The following CLIC5 variants were observed in gnomAD, a reference collection of about 807,000 sequenced individuals.
CLIC5 encodes the protein chloride intracellular channel protein 5.
In CLIC5, 20 loss-of-function variants were observed where a neutral mutation model predicts 24.7. The observed-to-expected ratio is 0.81, with a 90% CI of 0.57 to 1.18. The LOEUF is 1.18. CLIC5 is among the 50% of genes most tolerant of loss of function. CLIC5 has a pLI of 0.00. For synonymous variants in CLIC5, 159 were observed against 135.6 expected, an observed-to-expected ratio of 1.17 and a Z score of -1.20; for missense variants, 341 against 326.1, an observed-to-expected ratio of 1.05 and a Z score of -0.35.
intron 4 of CLIC5, among the ~76,000 whole-genome samples, chr6:45,922,710 G>T (rs142053351): frequency 6.6e-6 from 1 of 152,244 alleles, no homozygotes; most frequent in East Asian, 1.9e-4. Context: ...TGAAGAGAAA[G>T]ATTATCACTT....
chr6:46,026,334 A>T (rs1767331128), intron 1 of CLIC5, among the ~76,000 whole-genome samples: 1 of 152,318 alleles, frequency 6.6e-6, no homozygotes, highest in African/African-American at 2.4e-5. Context: ...TTATATATGC[A>T]TCGCTCTCCA....
chr6:46,126,839 C>G, the CLIC5 span, among the ~76,000 whole-genome samples: 1 of 152,136 alleles, frequency 6.6e-6, no homozygotes, highest in Non-Finnish European at 1.5e-5. Flanking sequence ...CTTCCTGTAA[C>G]TTCTAACTTC....
chr6:46,081,785 A>G (rs1308949293), upstream of CLIC5, among the ~76,000 whole-genome samples: 2 of 152,192 alleles, frequency 1.3e-5, no homozygotes, highest in Admixed American at 6.5e-5. Flanking sequence ...AGTTTACACA[A>G]AAACTTAATG....
At chr6:45,897,600 T>G (rs1762410900), downstream of CLIC5, among the ~76,000 whole-genome samples, 1 of 152,166 alleles carries the variant, frequency 6.6e-6, no homozygotes, top group Non-Finnish European at 1.5e-5. Context: ...GCTGTTTCAT[T>G]TCTTCCAAGG....
At chr6:46,059,222 C>T (rs919621363) in intron 1 of CLIC5, among the ~76,000 whole-genome samples, 1 of 152,226 alleles carries the variant, frequency 6.6e-6, no homozygotes, top group African/African-American at 2.4e-5. Flanking sequence ...ATCCACTTGC[C>T]TCTATCCTTC....
In CLIC5 at chr6:45,949,287, C is replaced by T; in HGVS notation, c.268G>A (p.Glu90Lys). Residue 90 changes from glutamate to lysine, a missense_variant, in exon 3 of 6, where the codon GAG becomes AAG. Glu to Lys is a moderately conservative substitution (Grantham distance 56). Transcript: ENST00000339561. ...DVKTDVNKIE[E>K]FLEETLTPEK... is the part of the protein sequence containing the mutation. ...GGGGTCAAGGTCTCCTCCAGGAACT[C>T]CTCGATCTTATTGACGTCTGTCTTC... 1 of 1,613,878 alleles carries T rather than the reference C, an allele frequency of 6.2e-7. No individual in the cohort carries two copies. The highest frequency in any genetic ancestry group is 8.5e-7 in the Non-Finnish European group (1 of 1,179,852).
chr6:45,914,084 G>C (rs1409775899), intron 5 of CLIC5, 144 bp downstream of exon 5: 1 of 559,338 alleles, frequency 1.8e-6, no homozygotes, highest in Admixed American at 4.2e-5. Context: ...AAGCAGCAGA[G>C]GGTGACCTTG....
chr6:45,966,992 C>T (rs762934573), intron 1 of CLIC5, among the ~76,000 whole-genome samples: 10 of 152,238 alleles, frequency 6.6e-5, no homozygotes, highest in Non-Finnish European at 1.2e-4. Flanking sequence ...AAACCCTAGT[C>T]ACTGGGCTCA....
upstream of CLIC5, among the ~76,000 whole-genome samples, chr6:46,019,879 C>A (rs986231612): frequency 6.6e-6 from 1 of 150,986 alleles, no homozygotes; most frequent in Non-Finnish European, 1.5e-5. Flanking sequence ...ATAGAACAAC[C>A]TTAAATGCAT....
Position 46,080,020 on chromosome 6 carries a change from G to A in CLIC5, c.223C>T (p.Gln75Ter), listed in dbSNP as rs900611630. 1.9e-5 allele frequency: 29 copies of A among 1,551,330 alleles called. No homozygotes were observed. The Admixed American group carries it at 2.9e-4, about 16-fold the overall frequency. The change falls in exon 1 of 6, where the codon CAG (glutamine) becomes TAG (stop). Residue 75 changes from glutamine (Q) to a stop codon, truncating the protein, a stop_gained. Coordinates refer to the CLIC5 transcript ENST00000185206. LOFTEE classifies it high-confidence loss of function. The stretch of plus-strand genomic sequence containing the variant: ...AGGAGGTAGCCTCTGTCTTCTGACT[G>A]GACAGAGGCCAAGCTGGTCTCTTCA...
At chr6:46,015,423 TGGGTGAGCCCGGC>T in intron 1 of CLIC5, 44 bp downstream of exon 1, 2 of 1,456,256 alleles carry the variant, frequency 1.4e-6, no homozygotes, top group South Asian at 2.8e-5. Flanking sequence ...CGAGCCCTGG[TGGGTGAGCCCGGC>T]GGGAGGCGCG....
intron 5 of CLIC5, among the ~76,000 whole-genome samples, chr6:45,905,133 G>A (rs1047250135): frequency 6.6e-6 from 1 of 152,110 alleles, no homozygotes; most frequent in Admixed American, 6.5e-5. Context: ...CTGTTGATGG[G>A]CACCCAGGTT....
chr6:45,966,275 T>C (rs557808263), intron 1 of CLIC5, among the ~76,000 whole-genome samples: 1 of 152,212 alleles, frequency 6.6e-6, no homozygotes, highest in East Asian at 1.9e-4. Flanking sequence ...TTATGATATG[T>C]CAACAAAGTA....
chr6:45,961,494 A>G (rs1764840811), intron 1 of CLIC5, among the ~76,000 whole-genome samples: 1 of 152,248 alleles, frequency 6.6e-6, no homozygotes, highest in Non-Finnish European at 1.5e-5. Flanking sequence ...TCTAGAAAAG[A>G]GTGACAAAGT....
intron 1 of CLIC5, among the ~76,000 whole-genome samples, chr6:45,982,734 A>G (rs1765608328): frequency 6.6e-6 from 1 of 152,204 alleles, no homozygotes; most frequent in Non-Finnish European, 1.5e-5. Flanking sequence ...CTCATGAGAC[A>G]TTTTACACAT....
intron 1 of CLIC5, among the ~76,000 whole-genome samples, chr6:45,989,985 G>A (rs913561835): frequency 2.6e-5 from 4 of 152,118 alleles, no homozygotes; most frequent in Non-Finnish European, 5.9e-5. Flanking sequence ...TAGAATAGGA[G>A]CTTGGAAGTG....
chr6:45,976,680 T>C (rs1765395889), intron 1 of CLIC5, among the ~76,000 whole-genome samples: 1 of 152,234 alleles, frequency 6.6e-6, no homozygotes, highest in Admixed American at 6.5e-5. Flanking sequence ...GTACTTTTGG[T>C]TCATCGTACT....
At chr6:46,072,282 G>T (rs1762629038) in intron 1 of CLIC5, among the ~76,000 whole-genome samples, 1 of 151,790 alleles carries the variant, frequency 6.6e-6, no homozygotes, top group Non-Finnish European at 1.5e-5. Context: ...CTGTGGCTAG[G>T]TGGGGGGAGG....
chr6:45,909,795 T>G (rs909110334), intron 5 of CLIC5, among the ~76,000 whole-genome samples: 1 of 152,232 alleles, frequency 6.6e-6, no homozygotes, highest in African/African-American at 2.4e-5. Flanking sequence ...AGGTGTTCTC[T>G]GGATTTCTTG....
Sources: allele counts gnomAD v4.1 joint callset (sites outside exome capture counted in the v4.1 genomes callset), GRCh38; gene constraint gnomAD v4.1.1; transcripts MANE v1.5; gene names NCBI Gene and HGNC (gene_info 2026-07-23, HGNC 2026-07-21).